The following MALRD1 variants were observed in gnomAD, a reference collection of about 807,000 sequenced individuals.
MALRD1 encodes the protein MAM and LDL-receptor class A domain-containing protein 1.
A neutral mutation model predicts 242.1 loss-of-function variants in MALRD1; 247 were observed. The observed-to-expected ratio is 1.02, with a 90% CI of 0.92 to 1.13. The LOEUF (loss-of-function observed/expected upper bound fraction) is 1.13. Among genes scored for constraint, MALRD1 ranks in the 50% most tolerant of loss-of-function variants. The pLI is 0.00. For missense variants in MALRD1, 2,989 were observed against 2,533.1 expected, an observed-to-expected ratio of 1.18 and a Z score of -3.86; for synonymous variants, 995 against 866.6, an observed-to-expected ratio of 1.15 and a Z score of -2.60.
rs77213061 is a variant in MALRD1, at chr10:19,657,345, T to C, written c.6138-34937T>C. ...TCTTCCATACTCAATCTTCAGGTCT[T>C]TGCTTTCTGTTTCTTAAAAACTCAG... On this transcript the variant is annotated intron_variant, in intron 36 of 39. Transcript: ENST00000454679. Among the ~76,000 whole-genome samples, 1,431 of 152,236 alleles carry C rather than the reference T, an allele frequency of 9.4e-3. 23 individuals are homozygous for C. Among genetic ancestry groups the C allele is most frequent in the African/African-American group, 0.032 (1,345 of 41,544 alleles).
At chr10:19,215,461 C>T (rs1002380846) in intron 18 of MALRD1, among the ~76,000 whole-genome samples, 7 of 152,212 alleles carry the variant, frequency 4.6e-5, no homozygotes, top group South Asian at 2.1e-4. Context: ...TGGACGTCAT[C>T]TTCCACATCA....
intron 19 of MALRD1, among the ~76,000 whole-genome samples, chr10:19,269,356 C>T (rs1029549564): frequency 6.6e-6 from 1 of 152,238 alleles, no homozygotes; most frequent in African/African-American, 2.4e-5. Context: ...CTCTCTCGCT[C>T]TCTTGCTCTC....
chr10:19,685,839 G>C (rs969576373), intron 36 of MALRD1, among the ~76,000 whole-genome samples: 1 of 152,064 alleles, frequency 6.6e-6, no homozygotes, highest in African/African-American at 2.4e-5. Context: ...ATTCTTACTG[G>C]ACAAACTTAC....
chr10:19,563,164 G>GGGAT (rs1167288683), intron 32 of MALRD1, among the ~76,000 whole-genome samples: 1 of 152,068 alleles, frequency 6.6e-6, no homozygotes, highest in East Asian at 1.9e-4. Context: ...AAGCTATAGA[G>GGGAT]GGCAGTTATT....
At chr10:19,221,281 A>G (rs1057177426) in intron 18 of MALRD1, among the ~76,000 whole-genome samples, 2 of 152,084 alleles carry the variant, frequency 1.3e-5, no homozygotes, top group Non-Finnish European at 2.9e-5. Context: ...AGTTGATCCC[A>G]CTTCCCCTGA....
chr10:19,488,851 T>C (rs924527548), intron 29 of MALRD1: 3 of 350,574 alleles, frequency 8.6e-6, no homozygotes, highest in African/African-American at 6.4e-5. Context: ...ATGTCATGAA[T>C]GACCTTCCTG....
intron 18 of MALRD1, among the ~76,000 whole-genome samples, chr10:19,228,984 GT>G (rs10718255): frequency 0.62 from 93,206 of 151,010 alleles, 28,891 homozygotes; most frequent in South Asian, 0.78. Context: ...TGCATGTGGT[GT>G]GTGTGTGTGT....
intron 5 of MALRD1, among the ~76,000 whole-genome samples, chr10:19,105,696 A>G (rs1337293345): frequency 1.3e-5 from 2 of 151,840 alleles, no homozygotes; most frequent in Admixed American, 6.6e-5. Context: ...GCATTTATTA[A>G]CTTTGACTTT....
At chr10:19,100,980 C>T (rs1836229437) in intron 4 of MALRD1, among the ~76,000 whole-genome samples, 1 of 152,032 alleles carries the variant, frequency 6.6e-6, no homozygotes, top group East Asian at 1.9e-4. Context: ...AGATTTTTAC[C>T]TACAAACACA....
At chr10:19,087,230 A>C (rs891877601) in intron 2 of MALRD1, among the ~76,000 whole-genome samples, 1 of 152,068 alleles carries the variant, frequency 6.6e-6, no homozygotes, top group East Asian at 1.9e-4. Context: ...TTTGGTAGGC[A>C]GTCCTAATAG....
At chr10:19,592,731 A>G (rs1318691620) in intron 33 of MALRD1, among the ~76,000 whole-genome samples, 1 of 23,974 alleles carries the variant, frequency 4.2e-5, no homozygotes, top group Non-Finnish European at 8.4e-5. Flanking sequence ...ATATAAAGAC[A>G]CACACACACA....
Position 19,415,022 on chromosome 10 carries a change from C to T in MALRD1, c.4845+25413C>T, listed in dbSNP as rs894003381. The stretch of plus-strand genomic sequence containing the variant: ...TCTGTAGAAATAATATTGTCAACCA[C>T]GGTTTGTTTCACCTATTAGGCTATG... On this transcript the variant is annotated intron_variant, in intron 28 of 39. Transcript: ENST00000454679. Among the ~76,000 whole-genome samples, 5 of 152,122 alleles carry T rather than the reference C, an allele frequency of 3.3e-5. No homozygotes were observed. In the South Asian group the frequency reaches 6.2e-4, roughly 19 times the overall value.
intron 29 of MALRD1, among the ~76,000 whole-genome samples, chr10:19,474,141 T>G (rs1836622487): frequency 6.6e-6 from 1 of 152,094 alleles, no homozygotes; most frequent in Non-Finnish European, 1.5e-5. Context: ...TTTGGAGAAA[T>G]ACCTACTTAA....
In MALRD1 at chr10:19,165,520, C is replaced by T. The variant is rs1440110362; in HGVS notation, c.1657-117C>T. The T allele has an allele frequency of 5.4e-6, 4 of 742,708 alleles. No homozygotes were observed. The African/African-American group carries it at 5.5e-5, about 10-fold the overall frequency. The allele number at this position is 742,708 out of a possible 1,614,324, so 46.0% of individuals were successfully genotyped here. ...GTGTTTCATGCCTGTAATCCCAGCA[C>T]TTTGGGAGGCCGAGGCAGGCAGATC... is the stretch of plus-strand genomic sequence containing the variant. On this transcript the variant is annotated intron_variant, in intron 12 of 39. Coordinates refer to ENST00000454679, the MANE Select transcript of MALRD1 (RefSeq NM_001142308.3).
chr10:19,642,627 C>A (rs1038137546), intron 36 of MALRD1, among the ~76,000 whole-genome samples: 1 of 152,096 alleles, frequency 6.6e-6, no homozygotes, highest in South Asian at 2.1e-4. Context: ...AAGCTAGGAA[C>A]AAATTAGAAA....
intron 35 of MALRD1, among the ~76,000 whole-genome samples, chr10:19,610,545 C>A (rs1280585308): frequency 6.6e-6 from 1 of 152,044 alleles, no homozygotes. Context: ...GGGTGGACTC[C>A]TAGGTGTATA....
At chr10:19,557,741 G>C (rs1564439161) in intron 32 of MALRD1, among the ~76,000 whole-genome samples, 1 of 152,012 alleles carries the variant, frequency 6.6e-6, no homozygotes. Flanking sequence ...CTTTAACCTT[G>C]TGTTGGTTAT....
intron 25 of MALRD1, among the ~76,000 whole-genome samples, chr10:19,348,584 T>C (rs1370482767): frequency 3.9e-5 from 6 of 152,132 alleles, no homozygotes. Flanking sequence ...GAAAAAATCA[T>C]GAAAACATCT....
intron 29 of MALRD1, among the ~76,000 whole-genome samples, chr10:19,470,554 A>G (rs1052488472): frequency 1.3e-5 from 2 of 151,908 alleles, no homozygotes; most frequent in African/African-American, 2.4e-5. Flanking sequence ...TTACATTTTC[A>G]CCAACAGTGT....
Sources: allele counts gnomAD v4.1 joint callset (sites outside exome capture counted in the v4.1 genomes callset), GRCh38; gene constraint gnomAD v4.1.1; transcripts MANE v1.5; gene names NCBI Gene and HGNC (gene_info 2026-07-23, HGNC 2026-07-21).